The following TTC6 variants were observed in gnomAD, a reference collection of about 807,000 sequenced individuals.
TTC6 encodes the protein tetratricopeptide repeat protein 6.
Under a neutral mutation model 210.4 loss-of-function variants are expected in TTC6, and 172 were observed. That is an observed-to-expected ratio of 0.82 (90% CI 0.72 to 0.93). TTC6 has a LOEUF of 0.93. Ranked by LOEUF, TTC6 falls within the 40% of genes least tolerant of loss-of-function variation. The probability of loss-of-function intolerance (pLI) is 0.00; values close to 1 mark genes in which losing one functional copy is unlikely to be tolerated. For missense variants in TTC6, 2,414 were observed against 2,318.1 expected (o/e 1.04, Z -0.85); for synonymous variants, 804 against 819.6 (o/e 0.98, Z 0.32).
chr14:37,661,744 C>T (rs182773587), intron 1 of TTC6, among the ~76,000 whole-genome samples: 1 of 152,212 alleles, frequency 6.6e-6, no homozygotes, highest in East Asian at 1.9e-4. Context: ...AGCATTAAAT[C>T]TATAAATTAC....
chr14:37,742,520 C>G (rs76844901), intron 10 of TTC6, among the ~76,000 whole-genome samples: 2,353 of 152,014 alleles, frequency 0.015, 33 homozygotes, highest in Middle Eastern at 0.027. Context: ...AGGGATTCTC[C>G]CACTTCATCA....
chr14:37,623,596 A>G (rs2095655313), intron 1 of TTC6, among the ~76,000 whole-genome samples: 1 of 152,216 alleles, frequency 6.6e-6, no homozygotes, highest in Non-Finnish European at 1.5e-5. Context: ...TGTCCCCATG[A>G]CAACCCTATC....
At chr14:37,772,491 G>A (rs931411321) in intron 14 of TTC6, 2 of 153,548 alleles carry the variant, frequency 1.3e-5, no homozygotes, top group African/African-American at 4.8e-5. Context: ...GCCACGTGTG[G>A]GATATAACCT....
chr14:37,800,279 T>A (rs2096103346), intron 20 of TTC6, among the ~76,000 whole-genome samples: 1 of 152,196 alleles, frequency 6.6e-6, no homozygotes, highest in African/African-American at 2.4e-5. Flanking sequence ...TCTCATTTAG[T>A]TGTATGGAAA....
At chr14:37,750,298 G>A (rs569870890) in intron 12 of TTC6, among the ~76,000 whole-genome samples, 27 of 152,234 alleles carry the variant, frequency 1.8e-4, no homozygotes, top group African/African-American at 6.3e-4. Context: ...TTCTAGGAAT[G>A]TGAAAATGTG....
At chr14:37,769,198 T>G (rs1255468855) in intron 14 of TTC6, among the ~76,000 whole-genome samples, 59 of 151,706 alleles carry the variant, frequency 3.9e-4, no homozygotes, top group Non-Finnish European at 8.1e-4. Flanking sequence ...GCTGGATTCG[T>G]TTTGCCAGTA....
chr14:37,615,012 G>T (rs2139267403), intron 2 of TTC6, among the ~76,000 whole-genome samples: 1 of 152,252 alleles, frequency 6.6e-6, no homozygotes, highest in South Asian at 2.1e-4. Flanking sequence ...CTCCCAAAGT[G>T]CTGGGATTAC....
chr14:37,602,919 T>G (rs2095618502), intron 1 of TTC6, among the ~76,000 whole-genome samples: 1 of 151,960 alleles, frequency 6.6e-6, no homozygotes, highest in African/African-American at 2.4e-5. Flanking sequence ...CAAAATACCT[T>G]CCATTGTGAA....
At chr14:37,609,740 A>G (rs1339080954) in intron 2 of TTC6, among the ~76,000 whole-genome samples, 5 of 152,164 alleles carry the variant, frequency 3.3e-5, no homozygotes, top group Non-Finnish European at 4.4e-5. Context: ...CATGGCATGT[A>G]TATTATTTTT....
chr14:37,707,371 C>T (rs1196984961), intron 5 of TTC6, among the ~76,000 whole-genome samples: 1 of 151,896 alleles, frequency 6.6e-6, no homozygotes, highest in African/African-American at 2.4e-5. Context: ...TTGTGCATTT[C>T]TTCAGGAATA....
At chr14:37,745,614 G>A (rs2095933638) in intron 10 of TTC6, among the ~76,000 whole-genome samples, 1 of 152,082 alleles carries the variant, frequency 6.6e-6, no homozygotes, top group Non-Finnish European at 1.5e-5. Context: ...GTCTTACTAG[G>A]TCCACTGTTA....
At chr14:37,657,647 T>G (rs1053598725) in intron 1 of TTC6, among the ~76,000 whole-genome samples, 5 of 152,176 alleles carry the variant, frequency 3.3e-5, no homozygotes, top group Non-Finnish European at 7.3e-5. Context: ...AAGATGATAA[T>G]GTAGTAAAAT....
intron 14 of TTC6, among the ~76,000 whole-genome samples, chr14:37,771,103 C>A (rs888786737): frequency 2.7e-5 from 4 of 150,740 alleles, no homozygotes; most frequent in African/African-American, 9.8e-5. Flanking sequence ...GTTGAAAATT[C>A]TTTTCTTTAA....
At chr14:37,814,324 C>T (rs971165733) in intron 25 of TTC6, among the ~76,000 whole-genome samples, 1 of 152,184 alleles carries the variant, frequency 6.6e-6, no homozygotes, top group Admixed American at 6.5e-5. Flanking sequence ...AGCACTCTTC[C>T]TCCTGATCTG....
chr14:37,612,129 T>C (rs567363798), intron 2 of TTC6, among the ~76,000 whole-genome samples: 1 of 152,318 alleles, frequency 6.6e-6, no homozygotes, highest in Non-Finnish European at 1.5e-5. Context: ...GGCATACAAT[T>C]TGATGAGTTT....
intron 4 of TTC6, among the ~76,000 whole-genome samples, chr14:37,697,568 G>A (rs2095817199): frequency 6.6e-6 from 1 of 152,074 alleles, no homozygotes; most frequent in Admixed American, 6.6e-5. Flanking sequence ...GCTGGACATG[G>A]AAGACAGCCT....
chr14:37,834,114 ACTCT>A (rs2096192293), intron 29 of TTC6, among the ~76,000 whole-genome samples: 1 of 151,168 alleles, frequency 6.6e-6, no homozygotes, highest in South Asian at 2.1e-4. Flanking sequence ...TGTTTTTAAA[ACTCT>A]CTCTTTGTCT....
intron 23 of TTC6, among the ~76,000 whole-genome samples, chr14:37,807,988 A>T (rs2139419318): frequency 6.6e-6 from 1 of 152,160 alleles, no homozygotes; most frequent in South Asian, 2.1e-4. Context: ...GATTGTTTTT[A>T]AAATTTTTAC....
At chr14:37,749,070 G>A (rs1298730563) in exon 11 of TTC6, 7 of 1,535,556 alleles carry the variant, frequency 4.6e-6, no homozygotes, top group Non-Finnish European at 6.1e-6. Context: ...GCTAAGGGAG[G>A]AATTCCAGAA....
Sources: gnomAD v4.1 joint callset for allele counts (sites outside exome capture counted in the v4.1 genomes callset) on GRCh38, gnomAD v4.1.1 for gene constraint, MANE v1.5 for transcripts, NCBI Gene and HGNC (gene_info 2026-07-23, HGNC 2026-07-21) for gene names.